The following ZNF43 variants were observed in gnomAD, a reference collection of about 807,000 sequenced individuals.
ZNF43 encodes zinc finger protein 43.
Under a neutral mutation model 68.4 loss-of-function variants are expected in ZNF43, and 44 were observed. The ratio of observed to expected loss-of-function variants is 0.64; its 90% CI spans 0.51 to 0.83. ZNF43 has a LOEUF of 0.83. Among genes scored for constraint, ZNF43 ranks in the 40% least tolerant of loss-of-function variants. The probability of loss-of-function intolerance (pLI) is 0.00; values close to 1 mark genes in which losing one functional copy is unlikely to be tolerated. For missense variants in ZNF43, 896 were observed against 933.2 expected, an observed-to-expected ratio of 0.96 and a Z score of 0.52; for synonymous variants, 308 against 307.8, an observed-to-expected ratio of 1.00 and a Z score of -0.01.
At chr19:21,851,539 CAAAAAAAAA>C (rs759516277) in intron 1 of ZNF43, among the ~76,000 whole-genome samples, 19 of 64,836 alleles carry the variant, frequency 2.9e-4, no homozygotes, top group African/African-American at 8.2e-4. Context: ...GATTCCCTCT[CAAAAAAAAA>C]AAAAAAAAAA....
chr19:21,849,060 T>C (rs1968152341), intron 1 of ZNF43, among the ~76,000 whole-genome samples: 1 of 152,200 alleles, frequency 6.6e-6, no homozygotes, highest in African/African-American at 2.4e-5. Context: ...ACCTCACCAG[T>C]GGGCTCCATC....
chr19:21,818,107 T>TA, intron 2 of ZNF43, 121 bp from the exon 3 acceptor site: 1 of 413,908 alleles, frequency 2.4e-6, no homozygotes, highest in African/African-American at 2.2e-5. Flanking sequence ...AAAATACTAA[T>TA]TTTTTTTTTT....
upstream of ZNF43, among the ~76,000 whole-genome samples, chr19:21,838,359 A>G (rs1430841245): frequency 6.6e-6 from 1 of 151,988 alleles, no homozygotes; most frequent in African/African-American, 2.4e-5. Flanking sequence ...ATAAACACAA[A>G]TATAATTATT....
intron 3 of ZNF43, among the ~76,000 whole-genome samples, chr19:21,817,492 G>A (rs1444877297): frequency 2.6e-5 from 4 of 152,102 alleles, no homozygotes; most frequent in Non-Finnish European, 5.9e-5. Flanking sequence ...CAATGGAACA[G>A]AAAGCACTAC....
chr19:21,809,808 C>A lies in ZNF43; in HGVS notation c.230-1G>T. On this transcript the variant is annotated splice_acceptor_variant, in intron 3 of 3. Coordinates refer to ENST00000354959, the MANE Select transcript of ZNF43 (RefSeq NM_003423.4). LOFTEE classifies it high-confidence loss of function. Reference sequence around the variant, plus strand: ...TCTTGGGTAAAATGAGAACACATAACTGAAAAAAATAAAAATAACAAATTA... The same window carrying A: ...TCTTGGGTAAAATGAGAACACATAAATGAAAAAAATAAAAATAACAAATTA... 1 of 1,510,004 alleles carries A rather than the reference C, an allele frequency of 6.6e-7. No homozygotes were observed. Among genetic ancestry groups the A allele is most frequent in the South Asian group, 1.4e-5 (1 of 72,086 alleles). The allele number at this position is 1,510,004 out of a possible 1,614,324, so 93.5% of individuals were successfully genotyped here.
chr19:21,840,497 G>T (rs150839878), upstream of ZNF43: 1 of 152,180 alleles, frequency 6.6e-6, no homozygotes, highest in South Asian at 2.1e-4. Context: ...AATCTTTGCC[G>T]TGGACTGTGT....
Position 21,808,116 on chromosome 19 carries a change from T to C in ZNF43, c.1921A>G (p.Lys641Glu), listed in dbSNP as rs1201555777. Residue 641 changes from lysine to glutamate, a missense_variant, in exon 4 of 4, where the codon AAG (lysine) becomes GAG (glutamate). Coordinates refer to ENST00000354959, the MANE Select transcript of ZNF43 (RefSeq NM_003423.4). ...GGTTTCTCCTCAGTGTGAATTATCT[T>C]ATGTTTAGTAAGAGTTGAGAACTGG... ...FNQFSTLTKH[K>E]IIHTEEKPYK... 3 of 1,612,998 alleles carry C rather than the reference T, an allele frequency of 1.9e-6. No individual in the cohort carries two copies. The highest frequency in any genetic ancestry group is 2.5e-6 in the Non-Finnish European group (3 of 1,179,658).
chr19:21,848,360 G>A (rs1968107407), intron 1 of ZNF43, among the ~76,000 whole-genome samples: 1 of 152,016 alleles, frequency 6.6e-6, no homozygotes, highest in South Asian at 2.1e-4. Flanking sequence ...TGGCCAGGCT[G>A]GTCTTGAACT....
At position 21,807,421 on chromosome 19, in the gene ZNF43, C is replaced by T; in HGVS notation, c.*186G>A. The T allele has an allele frequency of 1.8e-6, 1 of 542,880 alleles. No homozygotes were observed. Among genetic ancestry groups the T allele is most frequent in the South Asian group, 3.6e-5 (1 of 27,458 alleles). The allele number at this position is 542,880 out of a possible 1,614,324, so 33.6% of individuals were successfully genotyped here. A position where few individuals can be genotyped will look rare whatever the true frequency, so the allele number is the denominator to read the frequency against. On this transcript the variant is annotated 3_prime_UTR_variant, in exon 4 of 4. Transcript: ENST00000354959. Reference sequence around the variant, plus strand: ...CTTTTCCACATTCTTTGTGTATATACCTTTTTCCAAGTAAAAATTCTTTCC... The same window carrying T: ...CTTTTCCACATTCTTTGTGTATATATCTTTTTCCAAGTAAAAATTCTTTCC...
In ZNF43 at chr19:21,809,286, T is replaced by A; in HGVS notation, c.751A>T (p.Asn251Tyr). 6.2e-7 allele frequency: 1 copy of A among 1,613,664 alleles called. No homozygotes were observed. The highest frequency in any genetic ancestry group is 8.5e-7 in the Non-Finnish European group (1 of 1,179,864). ...WSSRLTTHKK[N>Y]YTRYKLYKCE... ...TTGTAGAGTTTGTATCTAGTATAAT[T>A]TTTTTTATGTGTAGTAAGGCGTGAG... Residue 251 changes from asparagine to tyrosine, a missense_variant, in exon 4 of 4, where the codon AAT (asparagine) becomes TAT (tyrosine). Coordinates refer to ENST00000354959, the MANE Select transcript of ZNF43 (RefSeq NM_003423.4).
intron 3 of ZNF43, among the ~76,000 whole-genome samples, 153 bp from the exon 4 acceptor site, chr19:21,809,960 A>T (rs572602812): frequency 6.6e-6 from 1 of 152,360 alleles, no homozygotes; most frequent in South Asian, 2.1e-4. Context: ...TAAATGTAAC[A>T]AAAACATACT....
chr19:21,809,127 G>T lies in ZNF43; in HGVS notation c.910C>A (p.His304Asn). 1 of 1,613,566 alleles carries T rather than the reference G, an allele frequency of 6.2e-7. No homozygotes were observed. The highest frequency in any genetic ancestry group is 8.5e-7 in the Non-Finnish European group (1 of 1,179,848). The change falls in exon 4 of 4, where the codon CAT (histidine) becomes AAT (asparagine). Residue 304 changes from histidine to asparagine, a missense_variant. His to Asn is a moderately conservative substitution (Grantham distance 68). Coordinates refer to ENST00000354959, the MANE Select transcript of ZNF43 (RefSeq NM_003423.4). ...AFNQSSNLTE[H>N]KKIHPGEKPY... Reference sequence around the variant, plus strand: ...TTCTCTCCAGGATGAATTTTCTTATGTTCAGTAAGGTTTGAGGATTGGTTA... The same window carrying T: ...TTCTCTCCAGGATGAATTTTCTTATTTTCAGTAAGGTTTGAGGATTGGTTA...
chr19:21,819,168 T>C lies in ZNF43; in HGVS notation c.57A>G (p.Gln19=). ...VAIEFCLEEW[Q]CLDIAQQNLY... is the part of the protein sequence containing the mutation. ...AATTCTGCTGTGCAATGTCCAGGCA[T>C]TGCCACTCCTCCAGACAGAATTCTA... The change falls in exon 2 of 4, where the codon CAA becomes CAG. Residue 19 remains glutamine (Q), a synonymous_variant. Transcript: ENST00000354959. 6.2e-7 allele frequency: 1 copy of C among 1,609,032 alleles called. No individual in the cohort carries two copies. The highest frequency in any genetic ancestry group is 8.5e-7 in the Non-Finnish European group (1 of 1,178,360).
At chr19:21,815,713 A>G (rs1387823735) in intron 3 of ZNF43, among the ~76,000 whole-genome samples, 1 of 152,092 alleles carries the variant, frequency 6.6e-6, no homozygotes, top group Non-Finnish European at 1.5e-5. Context: ...AAATTCTAGT[A>G]TAATTGTCCT....
intron 1 of ZNF43, among the ~76,000 whole-genome samples, 187 bp downstream of exon 1, chr19:21,835,849 C>A (rs895605252): frequency 1.7e-4 from 26 of 152,210 alleles, no homozygotes; most frequent in African/African-American, 6.3e-4. Flanking sequence ...GACACAGTCA[C>A]TGCGCAGAGA....
At chr19:21,844,689 A>G (rs905287932) in intron 1 of ZNF43, among the ~76,000 whole-genome samples, 3 of 151,390 alleles carry the variant, frequency 2.0e-5, no homozygotes, top group Non-Finnish European at 2.9e-5. Flanking sequence ...TGAGGTCAGG[A>G]GATCGAGACC....
At chr19:21,824,732 TA>T (rs34739856) in intron 1 of ZNF43, among the ~76,000 whole-genome samples, 24,690 of 107,154 alleles carry the variant, frequency 0.23, 2,174 homozygotes, top group Non-Finnish European at 0.25. Context: ...TATGTTTACC[TA>T]AAAAAAAAAA....
rs2036994336 is a variant in ZNF43, at chr19:21,807,530, A to C, written c.*77T>G. The C allele has an allele frequency of 3.0e-6, 4 of 1,323,628 alleles. No homozygotes were observed. Among genetic ancestry groups the C allele is most frequent in the East Asian group, 2.4e-5 (1 of 40,880 alleles). The allele number at this position is 1,323,628 out of a possible 1,614,324, so 82.0% of individuals were successfully genotyped here. ...AGTTTACTCCAATGTAAATTATCTT[A>C]CCTACAATCAAGTGTGACAACCATG... On this transcript the variant is annotated 3_prime_UTR_variant, in exon 4 of 4. Transcript: ENST00000354959.
At position 21,812,243 on chromosome 19, in the gene ZNF43, C is replaced by A. The variant is rs549019732; in HGVS notation, c.230-2436G>T. 2.0e-5 allele frequency among the ~76,000 whole-genome samples: 3 copies of A among 152,252 alleles called. No homozygotes were observed. In the East Asian group the frequency reaches 5.8e-4, roughly 29 times the overall value. On this transcript the variant is annotated intron_variant, in intron 3 of 3. Coordinates refer to ENST00000354959, the MANE Select transcript of ZNF43 (RefSeq NM_003423.4). The stretch of plus-strand genomic sequence containing the variant: ...CCGGGTTCACACCATTCTCCTGTCT[C>A]GGCCTCCCGAGTAGCTGGGATTACA...
Sources: gnomAD v4.1 joint callset for allele counts (sites outside exome capture counted in the v4.1 genomes callset) on GRCh38, gnomAD v4.1.1 for gene constraint, MANE v1.5 for transcripts, NCBI Gene and HGNC (gene_info 2026-07-23, HGNC 2026-07-21) for gene names.